The following SGPP2 variants were observed in gnomAD, a reference collection of about 807,000 sequenced individuals.
SGPP2 encodes the protein sphingosine-1-phosphate phosphatase 2, also known as sphingosine 1-phosphate phosphohydrolase 2.
A neutral mutation model predicts 33.9 loss-of-function variants in SGPP2; 30 were observed. The observed-to-expected ratio is 0.89, with a 90% CI of 0.66 to 1.20. SGPP2 has a LOEUF of 1.20. SGPP2 is among the 50% of genes most tolerant of loss of function. SGPP2 has a pLI of 0.00. For missense variants in SGPP2, 458 were observed against 532.1 expected (o/e 0.86, Z 1.37); for synonymous variants, 233 against 225.0 (o/e 1.04, Z -0.32).
At chr2:222,511,158 C>A (rs917735550) in intron 2 of SGPP2, among the ~76,000 whole-genome samples, 3 of 152,154 alleles carry the variant, frequency 2.0e-5, no homozygotes, top group African/African-American at 7.2e-5. Context: ...TCTCTGCCGT[C>A]CCCATATGAG....
chr2:222,505,934 CAAAA>C lies in SGPP2; in HGVS notation c.379-15816_379-15813del, dbSNP rs35318533. On this transcript the variant is annotated intron_variant, in intron 2 of 4. Transcript: ENST00000321276. ...TGGGCTGCTGAGTGAAACTCTGTCTCAAAAAAAAAAAAAAAAAAAAGTAGTTAAA... is the reference window on the plus strand; with the variant it reads ...TGGGCTGCTGAGTGAAACTCTGTCTCAAAAAAAAAAAAAAAAGTAGTTAAA... Among the ~76,000 whole-genome samples the C allele has an allele frequency of 9.5e-5, 9 of 95,060 alleles. No individual in the cohort carries two copies. The South Asian group carries it at 1.3e-3, about 14-fold the overall frequency. 62.4% of individuals were successfully genotyped at this position (95,060 alleles called of 152,430 possible).
intron 4 of SGPP2, among the ~76,000 whole-genome samples, chr2:222,546,825 CAAAAAAAA>C (rs5838955): frequency 1.7e-5 from 2 of 116,618 alleles, no homozygotes; most frequent in East Asian, 2.9e-4. Context: ...ACACATGTTG[CAAAAAAAA>C]AAAAAAAAAA....
intron 4 of SGPP2, among the ~76,000 whole-genome samples, chr2:222,553,466 T>C (rs1689332338): frequency 6.6e-6 from 1 of 152,216 alleles, no homozygotes; most frequent in African/African-American, 2.4e-5. Flanking sequence ...TGTAAACCTC[T>C]ATGCTAGTAT....
Position 222,487,355 on chromosome 2 carries a change from T to A in SGPP2, c.378+12629T>A, listed in dbSNP as rs1698127647. 2.6e-5 allele frequency among the ~76,000 whole-genome samples: 4 copies of A among 152,192 alleles called. No homozygotes were observed. In the South Asian group the frequency reaches 6.2e-4, roughly 24 times the overall value. ...CCCGCTGGATGTTACAAGTGTGCAA[T>A]GAATTGTAGTTCGGCCTTTACTAAT... On this transcript the variant is annotated intron_variant, in intron 2 of 4. Coordinates refer to ENST00000321276, the MANE Select transcript of SGPP2 (RefSeq NM_152386.4).
chr2:222,523,290 CAA>C (rs369840708), intron 3 of SGPP2, among the ~76,000 whole-genome samples: 44 of 152,336 alleles, frequency 2.9e-4, no homozygotes, highest in African/African-American at 1.1e-3. Flanking sequence ...ATGCCGGGGT[CAA>C]ACAATGTCTG....
chr2:222,452,687 G>T, intron 1 of SGPP2: 1 of 1,370,030 alleles, frequency 7.3e-7, no homozygotes, highest in Non-Finnish European at 1.0e-6. Flanking sequence ...GGCTGTGGTT[G>T]CTGCAGCTTG....
intron 4 of SGPP2, among the ~76,000 whole-genome samples, chr2:222,553,545 A>G (rs577674103): frequency 1.3e-5 from 2 of 152,310 alleles, no homozygotes; most frequent in East Asian, 3.9e-4. Context: ...GATCAGAATC[A>G]TAGGGCAGTA....
At position 222,486,871 on chromosome 2, in the gene SGPP2, C is replaced by T. The variant is rs1038105114; in HGVS notation, c.378+12145C>T. ...TTTGTCTGTATTAAACATGTTCCAA[C>T]AAATTTCATTTTTCATTTTGTGGGT... On this transcript the variant is annotated intron_variant, in intron 2 of 4. Transcript: ENST00000321276. 2.0e-5 allele frequency among the ~76,000 whole-genome samples: 3 copies of T among 152,012 alleles called. No homozygotes were observed. The East Asian group carries it at 5.8e-4, about 29-fold the overall frequency.
chr2:222,494,196 T>A (rs1698240882), intron 2 of SGPP2, among the ~76,000 whole-genome samples: 1 of 152,212 alleles, frequency 6.6e-6, no homozygotes, highest in Admixed American at 6.5e-5. Context: ...TGGAATGAAG[T>A]GTTGCCCAAT....
intron 1 of SGPP2, among the ~76,000 whole-genome samples, chr2:222,429,759 A>G (rs1457029270): frequency 2.0e-5 from 3 of 152,202 alleles, no homozygotes; most frequent in African/African-American, 7.2e-5. Flanking sequence ...AAATGTCCAG[A>G]CTTGAAACTG....
At chr2:222,491,346 G>C (rs190995362) in intron 2 of SGPP2, among the ~76,000 whole-genome samples, 2 of 152,260 alleles carry the variant, frequency 1.3e-5, no homozygotes, top group East Asian at 3.9e-4. Flanking sequence ...TCACACTGCT[G>C]TAAAGATACT....
intron 1 of SGPP2, among the ~76,000 whole-genome samples, chr2:222,436,965 A>G (rs1697251329): frequency 6.6e-6 from 1 of 152,146 alleles, no homozygotes; most frequent in East Asian, 1.9e-4. Context: ...CGTAACCTCC[A>G]TCACTGCCTC....
intron 4 of SGPP2, among the ~76,000 whole-genome samples, chr2:222,548,532 T>C (rs1689240238): frequency 6.6e-6 from 1 of 152,156 alleles, no homozygotes; most frequent in African/African-American, 2.4e-5. Flanking sequence ...ATATCTAAGG[T>C]GGCTCAGAGG....
intron 2 of SGPP2, among the ~76,000 whole-genome samples, chr2:222,510,776 G>A (rs539896708): frequency 7.9e-5 from 12 of 152,118 alleles, no homozygotes; most frequent in African/African-American, 9.7e-5. Context: ...GGGCAGCTCC[G>A]TAGTGTATAC....
At chr2:222,469,009 A>T (rs958211149) in intron 1 of SGPP2, among the ~76,000 whole-genome samples, 1 of 152,226 alleles carries the variant, frequency 6.6e-6, no homozygotes, top group African/African-American at 2.4e-5. Flanking sequence ...TTTTAAAAAA[A>T]ACTTTCAGAA....
chr2:222,486,794 T>C (rs71417684), intron 2 of SGPP2, among the ~76,000 whole-genome samples: 19,114 of 152,280 alleles, frequency 0.13, 1,568 homozygotes, highest in South Asian at 0.25. Flanking sequence ...TATGAACTTC[T>C]GTACTCTGCT....
rs1559180460 is a variant in SGPP2 at position 222,559,176 on chromosome 2, G to GCAC, written c.*279_*280insACC. The GCAC allele has an allele frequency of 3.2e-4, 14 of 43,302 alleles. 4 individuals carry two copies. The highest frequency in any genetic ancestry group is 0.019 in the Middle Eastern group (1 of 52). 2.7% of individuals were successfully genotyped at this position (43,302 alleles called of 1,614,324 possible). A position where few individuals can be genotyped will look rare whatever the true frequency, so the allele number is the denominator to read the frequency against. ...CACACACCGCGCCCCCCCCCCCCCCGCCCGGCCCCTGCTCCTCTCGCTGTT... is the reference window on the plus strand; with the variant it reads ...CACACACCGCGCCCCCCCCCCCCCCGCACCCCGGCCCCTGCTCCTCTCGCTGTT... On this transcript the variant is annotated 3_prime_UTR_variant, in exon 5 of 5. Coordinates refer to ENST00000321276, the MANE Select transcript of SGPP2 (RefSeq NM_152386.4).
At chr2:222,429,606 C>T (rs1697121580) in intron 1 of SGPP2, among the ~76,000 whole-genome samples, 2 of 152,180 alleles carry the variant, frequency 1.3e-5, no homozygotes, top group African/African-American at 2.4e-5. Context: ...TTTTTAATGG[C>T]CGCATGTTCC....
rs902839374 is a variant in SGPP2, at chr2:222,553,478, T to C, written c.649-4869T>C. On this transcript the variant is annotated intron_variant, in intron 4 of 4. Transcript: ENST00000321276. ...CTTTGTAAACCTCTATGCTAGTATT[T>C]CCGAGTTTTCTATTTAGACTCACGA... is the stretch of plus-strand genomic sequence containing the variant. 2.6e-5 allele frequency among the ~76,000 whole-genome samples: 4 copies of C among 152,320 alleles called. No individual in the cohort carries two copies. In the East Asian group the frequency reaches 5.8e-4, roughly 22 times the overall value.
Sources: gnomAD v4.1 joint callset for allele counts (sites outside exome capture counted in the v4.1 genomes callset) on GRCh38, gnomAD v4.1.1 for gene constraint, MANE v1.5 for transcripts, NCBI Gene and HGNC (gene_info 2026-07-23, HGNC 2026-07-21) for gene names.